CPEB3: variants seen among roughly 807,000 people sequenced by gnomAD.
CPEB3 encodes cytoplasmic polyadenylation element binding protein 3, also known as cytoplasmic polyadenylation element-binding protein 3.
CPEB3 carries 20 observed loss-of-function variants against 67.2 expected under a neutral mutation model. That is an observed-to-expected ratio of 0.30 (90% confidence interval 0.21 to 0.43). The LOEUF is 0.43. Ranked by LOEUF, CPEB3 falls within the 20% of genes least tolerant of loss-of-function variation. CPEB3 has a pLI of 1.00. For missense variants in CPEB3, 746 were observed against 968.6 expected, an observed-to-expected ratio of 0.77 and a Z score of 3.05; for synonymous variants, 376 against 393.1, an observed-to-expected ratio of 0.96 and a Z score of 0.51.
At chr10:92,246,010 C>T (rs1161664972) in intron 1 of CPEB3, among the ~76,000 whole-genome samples, 2 of 151,622 alleles carry the variant, frequency 1.3e-5, no homozygotes, top group East Asian at 1.9e-4. Context: ...TGCACTCCAG[C>T]CTGGGAGACA....
At chr10:92,207,025 A>C (rs1849824966) in intron 2 of CPEB3, among the ~76,000 whole-genome samples, 1 of 152,074 alleles carries the variant, frequency 6.6e-6, no homozygotes. Flanking sequence ...TCACTCTGTC[A>C]CCCAGGCTGG....
At chr10:92,206,865 G>A (rs1018515993) in intron 2 of CPEB3, among the ~76,000 whole-genome samples, 1 of 152,154 alleles carries the variant, frequency 6.6e-6, no homozygotes, top group Non-Finnish European at 1.5e-5. Context: ...AGGTCTGGGA[G>A]AGTTATTTAA....
At chr10:92,071,143 G>A (rs1005445099) in intron 9 of CPEB3, among the ~76,000 whole-genome samples, 13 of 151,264 alleles carry the variant, frequency 8.6e-5, no homozygotes, top group Admixed American at 1.3e-4. Context: ...ATACAGTCAA[G>A]ACTAAAACCC....
intron 1 of CPEB3, among the ~76,000 whole-genome samples, chr10:92,252,189 T>C (rs537840100): frequency 2.6e-5 from 4 of 151,830 alleles, no homozygotes; most frequent in Non-Finnish European, 5.9e-5. Context: ...GAAAAGGTGC[T>C]CTACCTCACT....
At position 92,125,101 on chromosome 10, in the gene CPEB3, C is replaced by T. The variant is rs545070598; in HGVS notation, c.1454-13907G>A. On this transcript the variant is annotated intron_variant, in intron 6 of 9. Transcript: ENST00000265997. ...AAGCCAGCCTAGCCAGTGCAGAGGA[C>T]GTATAGAATCACCAGCAGAAATAGC... is the stretch of plus-strand genomic sequence containing the variant. Among the ~76,000 whole-genome samples, 32 of 152,332 alleles carry T rather than the reference C, an allele frequency of 2.1e-4. No individual in the cohort carries two copies. The South Asian group carries it at 4.4e-3, about 21-fold the overall frequency.
intron 9 of CPEB3, 35 bp from the exon 10 acceptor site, chr10:92,052,474 T>C: frequency 3.2e-6 from 5 of 1,568,412 alleles, no homozygotes; most frequent in Non-Finnish European, 4.4e-6. Flanking sequence ...GAAAAATGAT[T>C]TAGCAAAGCT....
chr10:92,113,257 A>T (rs906827677), intron 6 of CPEB3, among the ~76,000 whole-genome samples: 1 of 152,254 alleles, frequency 6.6e-6, no homozygotes, highest in Non-Finnish European at 1.5e-5. Context: ...TGACTGCAAA[A>T]CTAGAAAAGA....
chr10:92,142,158 T>C (rs1278520756), intron 6 of CPEB3, among the ~76,000 whole-genome samples: 1 of 151,650 alleles, frequency 6.6e-6, no homozygotes. Context: ...AAACCGGACA[T>C]AAAAGGAAGC....
At chr10:92,192,160 C>T (rs1405775578) in intron 3 of CPEB3, among the ~76,000 whole-genome samples, 1 of 152,100 alleles carries the variant, frequency 6.6e-6, no homozygotes, top group Non-Finnish European at 1.5e-5. Flanking sequence ...TGAATTATCC[C>T]GGTTCAGCTG....
At chr10:92,171,841 C>T (rs1393763255) in intron 4 of CPEB3, among the ~76,000 whole-genome samples, 1 of 152,192 alleles carries the variant, frequency 6.6e-6, no homozygotes, top group Non-Finnish European at 1.5e-5. Context: ...TCTTGAACTC[C>T]TGACCTCAGG....
chr10:92,161,940 C>T (rs1489126782), intron 4 of CPEB3, among the ~76,000 whole-genome samples: 1 of 152,206 alleles, frequency 6.6e-6, no homozygotes, highest in Non-Finnish European at 1.5e-5. Flanking sequence ...GGATTACAGG[C>T]ATGAGCCACT....
chr10:92,280,083 C>T (rs944619433), intron 1 of CPEB3, among the ~76,000 whole-genome samples: 2 of 151,834 alleles, frequency 1.3e-5, no homozygotes, highest in Admixed American at 6.6e-5. Context: ...TGGCTCACAC[C>T]TGTAATCCCT....
rs147272869 is a variant in CPEB3, at chr10:92,249,397, A to G, written c.-11-9036T>C. Among the ~76,000 whole-genome samples the G allele has an allele frequency of 3.3e-5, 5 of 150,910 alleles. No homozygotes were observed. The East Asian group carries it at 5.9e-4, about 18-fold the overall frequency. On this transcript the variant is annotated intron_variant, in intron 1 of 9. Coordinates refer to ENST00000265997, the MANE Select transcript of CPEB3 (RefSeq NM_014912.5). ...CGTCTCAAAAAAAAAAAAAAAAATT[A>G]TAGCACATACAATTATGTACAGTAC...
chr10:92,208,647 G>A (rs1849912842), intron 2 of CPEB3, among the ~76,000 whole-genome samples: 1 of 150,390 alleles, frequency 6.6e-6, no homozygotes, highest in African/African-American at 2.5e-5. Context: ...AGGCTGGAGT[G>A]CAGTTGGGGG....
At position 92,049,991 on chromosome 10, in the gene CPEB3, A is replaced by G. The variant is rs938797715; in HGVS notation, c.*2221T>C. 2 of 152,370 alleles carry G rather than the reference A, an allele frequency of 1.3e-5. No individual in the cohort carries two copies. The highest frequency in any genetic ancestry group is 2.9e-5 in the Non-Finnish European group (2 of 67,992). 9.4% of individuals were successfully genotyped at this position (152,370 alleles called of 1,614,324 possible). A position where few individuals can be genotyped will look rare whatever the true frequency, so the allele number is the denominator to read the frequency against. ...TGAATAAACTTACTTAGAAAATATC[A>G]TTTTCTTTCCTATATTTCAAAATTG... On this transcript the variant is annotated 3_prime_UTR_variant, in exon 10 of 10. Coordinates refer to ENST00000265997, the MANE Select transcript of CPEB3 (RefSeq NM_014912.5).
intron 5 of CPEB3, 67 bp downstream of exon 5, chr10:92,144,878 G>C (rs61875205): frequency 3.5e-4 from 496 of 1,432,538 alleles, no homozygotes; most frequent in Admixed American, 5.3e-4. Flanking sequence ...TTGGAGAGGA[G>C]AGGCAGGGTC....
intron 3 of CPEB3, among the ~76,000 whole-genome samples, chr10:92,190,783 A>G (rs1010100244): frequency 1.3e-5 from 2 of 151,624 alleles, no homozygotes; most frequent in African/African-American, 4.8e-5. Flanking sequence ...CCTCTAGCCT[A>G]CCATCCTTCT....
chr10:92,178,379 G>C (rs1486518356), intron 4 of CPEB3, among the ~76,000 whole-genome samples: 1 of 151,980 alleles, frequency 6.6e-6, no homozygotes, highest in Non-Finnish European at 1.5e-5. Context: ...GGCTGGTCTT[G>C]AGCTCCTGAC....
intron 1 of CPEB3, among the ~76,000 whole-genome samples, chr10:92,253,279 G>A (rs987774238): frequency 3.3e-5 from 5 of 151,812 alleles, no homozygotes; most frequent in African/African-American, 9.7e-5. Flanking sequence ...GGCCAACATG[G>A]TGAAATGCCA....
Sources: gnomAD v4.1 joint callset for allele counts (sites outside exome capture counted in the v4.1 genomes callset) on GRCh38, gnomAD v4.1.1 for gene constraint, MANE v1.5 for transcripts, NCBI Gene and HGNC (gene_info 2026-07-23, HGNC 2026-07-21) for gene names.